ABCD2: variants seen among roughly 807,000 people sequenced by gnomAD.
ABCD2 encodes ATP-binding cassette sub-family D member 2.
In ABCD2, 36 loss-of-function variants were observed where a neutral mutation model predicts 70.9. The ratio of observed to expected loss-of-function variants is 0.51; its 90% CI spans 0.39 to 0.67. The LOEUF (loss-of-function observed/expected upper bound fraction) is 0.67, where lower values mean the gene tolerates loss of function less well. Ranked by LOEUF, ABCD2 falls within the 30% of genes least tolerant of loss-of-function variation. The pLI is 0.00. For missense variants in ABCD2, 729 were observed against 890.2 expected (o/e 0.82, Z 2.30); for synonymous variants, 304 against 306.9 (o/e 0.99, Z 0.10).
chr12:39,603,649 A>G (rs1229876946), intron 5 of ABCD2, among the ~76,000 whole-genome samples: 1 of 152,072 alleles, frequency 6.6e-6, no homozygotes, highest in African/African-American at 2.4e-5. Flanking sequence ...ATTTCTCATG[A>G]AATTTCCTAT....
the ABCD2 span, among the ~76,000 whole-genome samples, chr12:39,543,243 A>G: frequency 2.0e-5 from 3 of 152,210 alleles, no homozygotes; most frequent in Non-Finnish European, 4.4e-5. Context: ...TCCTGAGAAC[A>G]TGGAAATTCA....
chr12:39,557,182 T>C (rs1941180758), intron 9 of ABCD2, among the ~76,000 whole-genome samples: 1 of 152,178 alleles, frequency 6.6e-6, no homozygotes, highest in Non-Finnish European at 1.5e-5. Flanking sequence ...TAGTCTCAGA[T>C]GAAGATGAGA....
chr12:39,534,778 GAAAGAA>G, the ABCD2 span, among the ~76,000 whole-genome samples: 1 of 132,618 alleles, frequency 7.5e-6, no homozygotes, highest in Non-Finnish European at 1.6e-5. Flanking sequence ...AAGAAAGAAA[GAAAGAA>G]AGAAAGAAAG....
At chr12:39,531,894 C>T in the ABCD2 span, among the ~76,000 whole-genome samples, 1 of 152,234 alleles carries the variant, frequency 6.6e-6, no homozygotes, top group Non-Finnish European at 1.5e-5. Context: ...AATCGCTGAA[C>T]GTTACGTATT....
chr12:39,531,125 T>C, the ABCD2 span, among the ~76,000 whole-genome samples: 1 of 152,296 alleles, frequency 6.6e-6, no homozygotes, highest in East Asian at 1.9e-4. Flanking sequence ...GATACCGCCG[T>C]GAACAAAACC....
At position 39,569,059 on chromosome 12, in the gene ABCD2, G is replaced by C. The variant is rs370318829; in HGVS notation, c.2003+4657C>G. On this transcript the variant is annotated intron_variant, in intron 9 of 9. Transcript: ENST00000308666. Reference sequence around the variant, plus strand: ...CCTACTTGGGGGTGCATCCCAGTTAGGCTACTTGGGTGTCAGGGACCCACT... The same window carrying C: ...CCTACTTGGGGGTGCATCCCAGTTACGCTACTTGGGTGTCAGGGACCCACT... Among the ~76,000 whole-genome samples the C allele has an allele frequency of 1.7e-4, 26 of 152,318 alleles. No homozygotes were observed. In the South Asian group the frequency reaches 4.8e-3, roughly 28 times the overall value.
intron 9 of ABCD2, among the ~76,000 whole-genome samples, chr12:39,554,886 C>A (rs914299592): frequency 1.3e-5 from 2 of 152,148 alleles, no homozygotes; most frequent in Non-Finnish European, 2.9e-5. Flanking sequence ...CATTTTTTCA[C>A]TGCTGAACTG....
At chr12:39,593,764 C>T (rs1941777838) in intron 6 of ABCD2, among the ~76,000 whole-genome samples, 1 of 152,022 alleles carries the variant, frequency 6.6e-6, no homozygotes, top group Admixed American at 6.6e-5. Flanking sequence ...ATAATGCATC[C>T]TGAAAATTAA....
intron 9 of ABCD2, among the ~76,000 whole-genome samples, chr12:39,568,810 T>G (rs1012067586): frequency 2.0e-5 from 3 of 152,100 alleles, no homozygotes; most frequent in African/African-American, 7.2e-5. Flanking sequence ...GTTTTGGTGT[T>G]CATGTCCTTT....
chr12:39,565,768 T>A (rs1214547517), intron 9 of ABCD2, among the ~76,000 whole-genome samples: 1 of 152,218 alleles, frequency 6.6e-6, no homozygotes, highest in African/African-American at 2.4e-5. Flanking sequence ...TGTGGGTTTG[T>A]CATAGATAGC....
chr12:39,573,563 G>A (rs987462720), intron 9 of ABCD2, among the ~76,000 whole-genome samples, 153 bp downstream of exon 9: 4 of 152,096 alleles, frequency 2.6e-5, no homozygotes, highest in Non-Finnish European at 5.9e-5. Flanking sequence ...ATTAGGTAGG[G>A]AGTATCTAAG....
intron 9 of ABCD2, among the ~76,000 whole-genome samples, chr12:39,564,934 G>A (rs537217433): frequency 5.3e-5 from 8 of 152,210 alleles, no homozygotes; most frequent in Admixed American, 2.6e-4. Flanking sequence ...AAGATCAGAT[G>A]GTTGTAGATA....
chr12:39,605,992 A>C (rs1190518383), intron 3 of ABCD2, among the ~76,000 whole-genome samples: 1 of 152,176 alleles, frequency 6.6e-6, no homozygotes, highest in African/African-American at 2.4e-5. Context: ...ATAGCTATTT[A>C]AATGATGATT....
chr12:39,553,146 G>T lies in ABCD2; in HGVS notation c.*766C>A, dbSNP rs901530653. 3 of 151,946 alleles carry T rather than the reference G, an allele frequency of 2.0e-5. No individual in the cohort carries two copies. Among genetic ancestry groups the T allele is most frequent in the African/African-American group, 7.2e-5 (3 of 41,416 alleles). 9.4% of individuals were successfully genotyped at this position (151,946 alleles called of 1,614,324 possible). On this transcript the variant is annotated 3_prime_UTR_variant, in exon 10 of 10. Transcript: ENST00000308666. ...ACAAGCTGTGTATTTCTGAACAGAA[G>T]TTGCAATAGGTAATTCTGCTAAGGA... is the stretch of plus-strand genomic sequence containing the variant.
At chr12:39,538,657 G>A in the ABCD2 span, among the ~76,000 whole-genome samples, 3 of 152,038 alleles carry the variant, frequency 2.0e-5, no homozygotes, top group Non-Finnish European at 4.4e-5. Context: ...GGATAAGTGA[G>A]AAATTCTCCC....
chr12:39,572,808 T>C (rs543824213), intron 9 of ABCD2, among the ~76,000 whole-genome samples: 12 of 152,336 alleles, frequency 7.9e-5, no homozygotes, highest in African/African-American at 2.2e-4. Context: ...GGAGGAATCC[T>C]GTGCAGTCCT....
At chr12:39,534,794 GAAAGA>G in the ABCD2 span, among the ~76,000 whole-genome samples, 1 of 132,560 alleles carries the variant, frequency 7.5e-6, no homozygotes, top group South Asian at 2.4e-4. Flanking sequence ...AAGAAAGAAA[GAAAGA>G]AAGAAAGAAA....
At chr12:39,563,351 CTCTGCAG>C in intron 9 of ABCD2, among the ~76,000 whole-genome samples, 1 of 152,158 alleles carries the variant, frequency 6.6e-6, no homozygotes, top group Non-Finnish European at 1.5e-5. Flanking sequence ...ATGATCACAC[CTCTGCAG>C]TCCAGCCTGG....
intron 6 of ABCD2, 64 bp downstream of exon 6, chr12:39,600,507 A>T (rs1339069866): frequency 7.3e-7 from 1 of 1,377,616 alleles, no homozygotes; most frequent in African/African-American, 1.5e-5. Flanking sequence ...GAGGAACTTG[A>T]GGAATCAAGA....
Sources: allele counts gnomAD v4.1 joint callset (sites outside exome capture counted in the v4.1 genomes callset), GRCh38; gene constraint gnomAD v4.1.1; transcripts MANE v1.5; gene names NCBI Gene and HGNC (gene_info 2026-07-23, HGNC 2026-07-21).